Variants in CDH10 observed in about 807,000 individuals in gnomAD.
CDH10 encodes cadherin 10.
Under a neutral mutation model 73.1 loss-of-function variants are expected in CDH10, and 30 were observed. The observed-to-expected ratio is 0.41, with a 90% confidence interval of 0.31 to 0.56. The LOEUF is 0.56. Among genes scored for constraint, CDH10 ranks in the 20% least tolerant of loss-of-function variants. The pLI is 0.27. For missense variants in CDH10, 815 were observed against 973.7 expected (o/e 0.84, Z 2.17); for synonymous variants, 345 against 348.2 (o/e 0.99, Z 0.10).
intron 5 of CDH10, among the ~76,000 whole-genome samples, chr5:24,517,649 T>C (rs1187689285): frequency 6.6e-6 from 1 of 152,156 alleles, no homozygotes; most frequent in Non-Finnish European, 1.5e-5. Context: ...ATTTGTGGAT[T>C]ATATGTAAAG....
intron 6 of CDH10, among the ~76,000 whole-genome samples, chr5:24,510,101 C>A (rs1231447235): frequency 6.6e-6 from 1 of 152,062 alleles, no homozygotes. Flanking sequence ...AAAGGTGGTA[C>A]CATTACAAAA....
At chr5:24,553,536 T>C (rs190668723) in intron 2 of CDH10, among the ~76,000 whole-genome samples, 272 of 152,310 alleles carry the variant, frequency 1.8e-3, no homozygotes, top group Non-Finnish European at 2.6e-3. Flanking sequence ...CATTTTCCTG[T>C]TATTCTCCAA....
At chr5:24,534,703 C>T (rs139260442) in intron 5 of CDH10, among the ~76,000 whole-genome samples, 2 of 151,864 alleles carry the variant, frequency 1.3e-5, no homozygotes, top group East Asian at 3.9e-4. Context: ...GATTTTTTGT[C>T]GAAAAAAATT....
chr5:24,556,998 G>A (rs566020484), intron 2 of CDH10, among the ~76,000 whole-genome samples: 39 of 151,680 alleles, frequency 2.6e-4, no homozygotes, highest in African/African-American at 9.2e-4. Context: ...AGTACAGAAA[G>A]AAAACATATT....
intron 2 of CDH10, 44 bp downstream of exon 2, chr5:24,593,216 A>G (rs16893586): frequency 0.045 from 48,606 of 1,079,702 alleles, 2,771 homozygotes; most frequent in African/African-American, 0.24. Context: ...AGTAAAATAT[A>G]TAAAGAGCAA....
At chr5:24,510,902 C>A (rs528878875) in intron 6 of CDH10, among the ~76,000 whole-genome samples, 64 of 152,298 alleles carry the variant, frequency 4.2e-4, no homozygotes, top group African/African-American at 1.5e-3. Flanking sequence ...CCAATCCATG[C>A]TGTCTCTTTT....
intron 2 of CDH10, among the ~76,000 whole-genome samples, chr5:24,562,488 A>G (rs368362183): frequency 9.9e-5 from 15 of 152,182 alleles, no homozygotes; most frequent in African/African-American, 3.6e-4. Flanking sequence ...AATCATACTG[A>G]TATTTAGAGG....
At chr5:24,545,888 T>C (rs1744320248) in intron 2 of CDH10, among the ~76,000 whole-genome samples, 1 of 151,872 alleles carries the variant, frequency 6.6e-6, no homozygotes, top group Non-Finnish European at 1.5e-5. Flanking sequence ...ATTCAAAGGG[T>C]GGTATTTTCG....
intron 2 of CDH10, among the ~76,000 whole-genome samples, chr5:24,586,434 C>CTTTT (rs35486231): frequency 0.021 from 2,063 of 100,138 alleles, 55 homozygotes; most frequent in East Asian, 0.045. Flanking sequence ...TTATTAACTC[C>CTTTT]TTTTTTTTTT....
At position 24,605,058 on chromosome 5, in the gene CDH10, T is replaced by C. The variant is rs141212882; in HGVS notation, c.-123-11445A>G. ...AACAGGCAAAGAACTTGAACAGACA[T>C]CTTTAGCAAAGAAAATATATAGATG... On this transcript the variant is annotated intron_variant, in intron 1 of 11. Coordinates refer to ENST00000264463, the MANE Select transcript of CDH10 (RefSeq NM_006727.5). Among the ~76,000 whole-genome samples the C allele has an allele frequency of 1.1e-4, 17 of 152,254 alleles. No individual in the cohort carries two copies. The East Asian group carries it at 3.3e-3, about 29-fold the overall frequency.
intron 2 of CDH10, among the ~76,000 whole-genome samples, chr5:24,580,218 G>A (rs1745748319): frequency 6.6e-6 from 1 of 151,948 alleles, no homozygotes; most frequent in Admixed American, 6.6e-5. Flanking sequence ...TGTCATGGGG[G>A]TTTGTTATAC....
chr5:24,508,380 CTCA>C (rs1742774416), intron 7 of CDH10, among the ~76,000 whole-genome samples: 1 of 152,154 alleles, frequency 6.6e-6, no homozygotes, highest in African/African-American at 2.4e-5. Flanking sequence ...ATTGAAAAGA[CTCA>C]TCTTTCTAGA....
Position 24,495,856 on chromosome 5 carries a change from CAA to C in CDH10, c.1515+2540_1515+2541del, listed in dbSNP as rs59901498. On this transcript the variant is annotated intron_variant, in intron 9 of 11. Transcript: ENST00000264463. ...GGCAACAGGGAGCATCTTCCTCAAA[CAA>C]AAAAAAAAAAAGAAAGAAAGAAAAA... Among the ~76,000 whole-genome samples the C allele has an allele frequency of 2.4e-3, 295 of 120,844 alleles. 3 individuals carry two copies. Among genetic ancestry groups the C allele is most frequent in the African/African-American group, 6.4e-3 (227 of 35,204 alleles). The allele number at this position is 120,844 out of a possible 152,430, so 79.3% of individuals were successfully genotyped here.
chr5:24,629,389 A>C (rs1036540462), intron 1 of CDH10, among the ~76,000 whole-genome samples: 1 of 152,162 alleles, frequency 6.6e-6, no homozygotes, highest in Non-Finnish European at 1.5e-5. Context: ...AATAGGTCTT[A>C]GGGTGAGGCC....
intron 2 of CDH10, among the ~76,000 whole-genome samples, chr5:24,575,669 G>C (rs528400877): frequency 1.3e-5 from 2 of 151,970 alleles, no homozygotes; most frequent in South Asian, 4.1e-4. Context: ...ACAAACATAC[G>C]TTCACTTAAA....
intron 5 of CDH10, among the ~76,000 whole-genome samples, chr5:24,519,902 C>G (rs1743249973): frequency 6.6e-6 from 1 of 152,104 alleles, no homozygotes; most frequent in African/African-American, 2.4e-5. Context: ...GAGAATCTTC[C>G]CTTGCTGCTT....
rs74848382 is a variant in CDH10, at chr5:24,619,677, T to G, written c.-124+24917A>C. Among the ~76,000 whole-genome samples the G allele has an allele frequency of 4.9e-3, 745 of 152,306 alleles. 9 individuals are homozygous for G. The highest frequency in any genetic ancestry group is 4.6e-3 in the Non-Finnish European group (315 of 68,038). On this transcript the variant is annotated intron_variant, in intron 1 of 11. Transcript: ENST00000264463. ...AATATTAATTGTCTGAATATTTATG[T>G]TCCTAAAACATTCATATGTTGGAAT...
intron 2 of CDH10, chr5:24,578,148 A>G (rs1163967780): frequency 6.2e-6 from 1 of 161,438 alleles, no homozygotes; most frequent in Non-Finnish European, 1.3e-5. Flanking sequence ...GATCTTTCAT[A>G]AAATAGGTGT....
At chr5:24,604,980 CT>C (rs1746709833) in intron 1 of CDH10, among the ~76,000 whole-genome samples, 1 of 151,354 alleles carries the variant, frequency 6.6e-6, no homozygotes, top group Admixed American at 6.6e-5. Flanking sequence ...TTTTTTCATA[CT>C]GTATAAAGAA....
Sources: allele counts gnomAD v4.1 joint callset (sites outside exome capture counted in the v4.1 genomes callset), GRCh38; gene constraint gnomAD v4.1.1; transcripts MANE v1.5; gene names NCBI Gene and HGNC (gene_info 2026-07-23, HGNC 2026-07-21).